The following NUP214 variants were observed in gnomAD, a reference collection of about 807,000 sequenced individuals.
NUP214 encodes the protein nuclear pore complex protein Nup214.
A neutral mutation model predicts 196.2 loss-of-function variants in NUP214; 79 were observed. The observed-to-expected ratio is 0.40, with a 90% CI of 0.34 to 0.49. NUP214 has a LOEUF of 0.49. NUP214 is among the 20% of genes least tolerant of loss of function. The pLI, the probability that NUP214 is intolerant of heterozygous loss-of-function variation, is 0.58. For synonymous variants in NUP214, 1,020 were observed against 990.5 expected, an observed-to-expected ratio of 1.03 and a Z score of -0.56; for missense variants, 2,468 against 2,539.0, an observed-to-expected ratio of 0.97 and a Z score of 0.60.
intron 24 of NUP214, among the ~76,000 whole-genome samples, chr9:131,186,733 G>T (rs967043307): frequency 6.6e-6 from 1 of 152,200 alleles, no homozygotes; most frequent in Non-Finnish European, 1.5e-5. Flanking sequence ...TGCGAATAGG[G>T]GTATACTTTT....
chr9:131,164,801 T>C (rs1043672324), intron 21 of NUP214: 2 of 152,200 alleles, frequency 1.3e-5, no homozygotes, highest in Non-Finnish European at 2.9e-5. Flanking sequence ...TAAATTTTTT[T>C]CCCATTACAT....
intron 33 of NUP214, 191 bp from the exon 34 acceptor site, chr9:131,230,439 C>T (rs1834842547): frequency 1.6e-6 from 1 of 608,448 alleles, no homozygotes; most frequent in South Asian, 2.0e-5. Flanking sequence ...ATTTTTCTTC[C>T]TAGAGCAGAG....
In NUP214 at chr9:131,144,263, T is replaced by A; in HGVS notation, c.1295-17T>A. The A allele has an allele frequency of 6.3e-7, 1 of 1,583,974 alleles. No individual in the cohort carries two copies. Reference sequence around the variant, plus strand: ...GTTACAGTGTTAACATTTTCCTTCCTTTTTTTGTCACTGCAGGAAGTACTC... The same window carrying A: ...GTTACAGTGTTAACATTTTCCTTCCATTTTTTGTCACTGCAGGAAGTACTC... On this transcript the variant is annotated splice_polypyrimidine_tract_variant and intron_variant, in intron 11 of 35. Coordinates refer to ENST00000359428, the MANE Select transcript of NUP214 (RefSeq NM_005085.4).
chr9:131,175,447 C>T lies in NUP214; in HGVS notation c.3158-13C>T, dbSNP rs199803056. The stretch of plus-strand genomic sequence containing the variant: ...TCTCACCCACTCACACTTAATTTTT[C>T]TTTTCCTCTTAGTGGCTACATCTGC... On this transcript the variant is annotated splice_polypyrimidine_tract_variant and intron_variant, in intron 22 of 35. Coordinates refer to ENST00000359428, the MANE Select transcript of NUP214 (RefSeq NM_005085.4). 1.9e-6 allele frequency: 3 copies of T among 1,613,612 alleles called. No homozygotes were observed. The East Asian group carries it at 6.7e-5, about 36-fold the overall frequency.
At chr9:131,223,727 A>ATTTATTTATTTATTTTTT in intron 32 of NUP214, among the ~76,000 whole-genome samples, 1 of 15,660 alleles carries the variant, frequency 6.4e-5, no homozygotes, top group East Asian at 4.9e-3. Context: ...TTATTTATTT[A>ATTTATTTATTTATTTTTT]TTTTTTTTTT....
At chr9:131,142,715 GA>G (rs1170164077) in intron 11 of NUP214, among the ~76,000 whole-genome samples, 1 of 152,220 alleles carries the variant, frequency 6.6e-6, no homozygotes, top group African/African-American at 2.4e-5. Flanking sequence ...ATTGTATAAA[GA>G]AGTATTAACA....
intron 17 of NUP214, 158 bp from the exon 18 acceptor site, chr9:131,159,223 TTA>T: frequency 1.6e-6 from 1 of 619,702 alleles, no homozygotes; most frequent in Non-Finnish European, 2.8e-6. Context: ...CTCATTTTAA[TTA>T]TATAGTTTTA....
At chr9:131,154,586 A>G (rs1371647147) in intron 17 of NUP214, among the ~76,000 whole-genome samples, 1 of 152,190 alleles carries the variant, frequency 6.6e-6, no homozygotes, top group Non-Finnish European at 1.5e-5. Flanking sequence ...ACTTCAAGTG[A>G]TCTGCCCGTC....
intron 17 of NUP214, among the ~76,000 whole-genome samples, chr9:131,152,174 G>C (rs1832290475): frequency 1.3e-5 from 2 of 152,130 alleles, no homozygotes; most frequent in Admixed American, 1.3e-4. Flanking sequence ...GTGTGCAATG[G>C]TGTGATCCCA....
In NUP214 at chr9:131,154,150, T is replaced by G. The variant is rs193124379; in HGVS notation, c.2436+2256T>G. Among the ~76,000 whole-genome samples, 348 of 152,356 alleles carry G rather than the reference T, an allele frequency of 2.3e-3. 4 individuals are homozygous for G. Among genetic ancestry groups the G allele is most frequent in the African/African-American group, 8.0e-3 (334 of 41,586 alleles). ...GGTTACTTCTACTTCTCTTGAATCA[T>G]CTTGGCTCTTTTAAAATTACATTTT... On this transcript the variant is annotated intron_variant, in intron 17 of 35. Coordinates refer to ENST00000359428, the MANE Select transcript of NUP214 (RefSeq NM_005085.4).
At position 131,156,703 on chromosome 9, in the gene NUP214, G is replaced by A. The variant is rs550549880; in HGVS notation, c.2437-2680G>A. Among the ~76,000 whole-genome samples the A allele has an allele frequency of 1.6e-4, 24 of 151,890 alleles. No individual in the cohort carries two copies. The South Asian group carries it at 3.7e-3, about 24-fold the overall frequency. The stretch of plus-strand genomic sequence containing the variant: ...TGTATCCTGAAAGTTTACTGAATTC[G>A]TTTATCAGATCTAGGACCTTTTTGG... On this transcript the variant is annotated intron_variant, in intron 17 of 35. Coordinates refer to ENST00000359428, the MANE Select transcript of NUP214 (RefSeq NM_005085.4).
intron 11 of NUP214, 66 bp downstream of exon 11, chr9:131,140,776 A>G: frequency 6.8e-7 from 1 of 1,479,144 alleles, no homozygotes; most frequent in Admixed American, 1.9e-5. Context: ...TATTTCCAAG[A>G]ATGAACATGG....
intron 2 of NUP214, among the ~76,000 whole-genome samples, chr9:131,128,015 A>T (rs1831416064): frequency 1.3e-5 from 2 of 152,232 alleles, no homozygotes; most frequent in Non-Finnish European, 2.9e-5. Flanking sequence ...TTTTATTGGC[A>T]TGGGTTTTCA....
Position 131,228,346 on chromosome 9 carries a change from GA to G in NUP214, c.6074+16del. ...GGAGGATTCGGGTAAGCCCCCTGGG[GA>G]GGGCCCTTGGGAACCCACACGCCAG... is the stretch of plus-strand genomic sequence containing the variant. On this transcript the variant is annotated intron_variant, in intron 33 of 35. Transcript: ENST00000359428. 1 of 1,570,654 alleles carries G rather than the reference GA, an allele frequency of 6.4e-7. No individual in the cohort carries two copies. Among genetic ancestry groups the G allele is most frequent in the Non-Finnish European group, 8.6e-7 (1 of 1,166,024 alleles).
intron 29 of NUP214, among the ~76,000 whole-genome samples, chr9:131,201,186 A>C (rs1264912021): frequency 6.6e-6 from 1 of 150,868 alleles, no homozygotes; most frequent in Non-Finnish European, 1.5e-5. Context: ...AAATAAACTT[A>C]GGCTGGGTGC....
At chr9:131,205,516 C>A (rs2131061228) in intron 30 of NUP214, among the ~76,000 whole-genome samples, 1 of 152,280 alleles carries the variant, frequency 6.6e-6, no homozygotes, top group Non-Finnish European at 1.5e-5. Context: ...TGCCTTTGTT[C>A]ACCAAAAGAT....
At chr9:131,215,916 T>TTTTC (rs1564215351) in intron 31 of NUP214, among the ~76,000 whole-genome samples, 1 of 148,532 alleles carries the variant, frequency 6.7e-6, no homozygotes, top group Non-Finnish European at 1.5e-5. Context: ...TTTTTTTTTT[T>TTTTC]TTTGAGACAG....
chr9:131,232,271 T>C lies in NUP214; in HGVS notation c.6215-13T>C, dbSNP rs375563082. The C allele has an allele frequency of 6.5e-5, 105 of 1,614,200 alleles. No individual in the cohort carries two copies. The African/African-American group carries it at 1.3e-3, about 20-fold the overall frequency. ...GATGCGTGCTTTAACTTCACTCTTATTCTGCTTTTCAGGGTTCAGCTTTGG... is the reference window on the plus strand; with the variant it reads ...GATGCGTGCTTTAACTTCACTCTTACTCTGCTTTTCAGGGTTCAGCTTTGG... On this transcript the variant is annotated splice_polypyrimidine_tract_variant and intron_variant, in intron 34 of 35. Transcript: ENST00000359428. This position sits in a 1 kb window ranked among gnomAD's most constrained non-coding sequence, Gnocchi z 5.1.
chr9:131,194,260 CAGGA>C (rs1422461425), intron 27 of NUP214: 1 of 151,522 alleles, frequency 6.6e-6, no homozygotes, highest in Non-Finnish European at 1.5e-5. Context: ...CCTCCACCCC[CAGGA>C]CTGAAGTGAT....
Sources: gnomAD v4.1 joint callset for allele counts (sites outside exome capture counted in the v4.1 genomes callset) on GRCh38, gnomAD v4.1.1 for gene constraint, Gnocchi (gnomAD v3.1) non-coding constraint, MANE v1.5 for transcripts, NCBI Gene and HGNC (gene_info 2026-07-23, HGNC 2026-07-21) for gene names.